Variants in TCERG1L observed in about 807,000 individuals in gnomAD.
TCERG1L encodes the protein transcription elongation regulator 1-like protein.
In TCERG1L, 37 loss-of-function variants were observed where a neutral mutation model predicts 56.3. That is an observed-to-expected ratio of 0.66 (90% CI 0.51 to 0.87). The LOEUF (loss-of-function observed/expected upper bound fraction) is 0.87. Among genes scored for constraint, TCERG1L ranks in the 40% least tolerant of loss-of-function variants. The pLI is 0.00. For missense variants in TCERG1L, 799 were observed against 774.2 expected, an observed-to-expected ratio of 1.03 and a Z score of -0.38; for synonymous variants, 324 against 326.3, an observed-to-expected ratio of 0.99 and a Z score of 0.08.
intron 4 of TCERG1L, among the ~76,000 whole-genome samples, chr10:131,222,872 G>C (rs2918160): frequency 0.26 from 39,766 of 152,050 alleles, 5,487 homozygotes; most frequent in East Asian, 0.44. Flanking sequence ...CTTCCAATTG[G>C]TCAAGGCAGA....
intron 3 of TCERG1L, among the ~76,000 whole-genome samples, chr10:131,286,698 G>T (rs949600654): frequency 5.3e-5 from 8 of 152,188 alleles, no homozygotes. Flanking sequence ...AAATAGAGAG[G>T]TCACATTTGG....
intron 3 of TCERG1L, among the ~76,000 whole-genome samples, chr10:131,305,494 C>T (rs2133586043): frequency 6.6e-6 from 1 of 152,200 alleles, no homozygotes; most frequent in South Asian, 2.1e-4. Flanking sequence ...TCCAACTTAG[C>T]TCAACAAACG....
rs866915890 is a variant in TCERG1L at position 131,146,605 on chromosome 10, G to A, written c.1090C>T (p.Leu364=). Residue 364 remains leucine, a synonymous_variant, in exon 7 of 12, where the codon CTG becomes TTG. Transcript: ENST00000368642. ...RVFFFNPTMH[L]SVWEKPMDLK... is the part of the protein sequence containing the mutation. ...TCCATGGGCTTCTCCCAGACAGACA[G>A]GTGCATCGTTGGGTTGAAGAAGAAA... The A allele has an allele frequency of 6.2e-7, 1 of 1,613,874 alleles. No individual in the cohort carries two copies. Among genetic ancestry groups the A allele is most frequent in the African/African-American group, 1.3e-5 (1 of 75,020 alleles).
At chr10:131,297,253 A>G (rs1355205398) in intron 3 of TCERG1L, among the ~76,000 whole-genome samples, 1 of 152,154 alleles carries the variant, frequency 6.6e-6, no homozygotes, top group Admixed American at 6.5e-5. Flanking sequence ...TGAGTTACAC[A>G]CGGTTTTTTG....
At chr10:131,306,682 TA>T (rs1267833025) in intron 3 of TCERG1L, among the ~76,000 whole-genome samples, 1 of 152,114 alleles carries the variant, frequency 6.6e-6, no homozygotes, top group Non-Finnish European at 1.5e-5. Flanking sequence ...TGTAAAAATT[TA>T]AAAAATAGAT....
chr10:131,203,186 C>T lies in TCERG1L; in HGVS notation c.857-36301G>A, dbSNP rs545223295. Among the ~76,000 whole-genome samples, 7 of 152,288 alleles carry T rather than the reference C, an allele frequency of 4.6e-5. No individual in the cohort carries two copies. The East Asian group carries it at 7.7e-4, about 17-fold the overall frequency. ...GACAGTGTTCATGGATATGCGTATA[C>T]CTGTCTTCAGCCCTCCGAGCTGCGC... On this transcript the variant is annotated intron_variant, in intron 4 of 11. Coordinates refer to ENST00000368642, the MANE Select transcript of TCERG1L (RefSeq NM_174937.4).
intron 6 of TCERG1L, chr10:131,160,717 G>C (rs935841690): frequency 1.3e-5 from 2 of 152,228 alleles, no homozygotes; most frequent in African/African-American, 4.8e-5. Flanking sequence ...GCAACCAACA[G>C]ACTCCCTCAC....
intron 6 of TCERG1L, among the ~76,000 whole-genome samples, chr10:131,153,635 T>G (rs7096287): frequency 0.2 from 31,092 of 152,110 alleles, 3,555 homozygotes; most frequent in South Asian, 0.37. Context: ...GCATTTGTTG[T>G]AAGTGCAGTG....
At chr10:131,163,349 C>T in intron 5 of TCERG1L, 139 bp from the exon 6 acceptor site, 1 of 646,872 alleles carries the variant, frequency 1.5e-6, no homozygotes, top group Non-Finnish European at 2.5e-6. Context: ...CTCAGCACGG[C>T]AGCGCCTGGC....
intron 3 of TCERG1L, among the ~76,000 whole-genome samples, chr10:131,297,766 T>C (rs1333125929): frequency 1.3e-5 from 2 of 152,222 alleles, no homozygotes; most frequent in East Asian, 3.8e-4. Context: ...TACAGAGTTA[T>C]TCATGTTTTC....
intron 4 of TCERG1L, among the ~76,000 whole-genome samples, chr10:131,168,685 G>A: frequency 6.6e-6 from 1 of 152,294 alleles, no homozygotes; most frequent in East Asian, 1.9e-4. Context: ...GCGCCCTGCC[G>A]GGCAGGCTCT....
intron 4 of TCERG1L, among the ~76,000 whole-genome samples, chr10:131,185,531 C>T (rs1000386514): frequency 6.6e-6 from 1 of 152,058 alleles, no homozygotes; most frequent in African/African-American, 2.4e-5. Context: ...GAATTCTTTA[C>T]AACTCAACAA....
intron 4 of TCERG1L, among the ~76,000 whole-genome samples, chr10:131,224,437 CT>C (rs1352356678): frequency 2.0e-5 from 3 of 152,212 alleles, no homozygotes; most frequent in Non-Finnish European, 4.4e-5. Context: ...ACTAAAGTAG[CT>C]TTGTACGCTT....
At chr10:131,200,913 T>C (rs866878107) in intron 4 of TCERG1L, among the ~76,000 whole-genome samples, 5 of 152,146 alleles carry the variant, frequency 3.3e-5, no homozygotes, top group Non-Finnish European at 4.4e-5. Context: ...GAGGCCCTTA[T>C]AAAAGAGGCT....
intron 3 of TCERG1L, among the ~76,000 whole-genome samples, chr10:131,269,180 C>CTATT (rs200069653): frequency 0.095 from 4,098 of 43,184 alleles, 71 homozygotes; most frequent in Non-Finnish European, 0.16. Context: ...GATACAATTT[C>CTATT]TATTTGTTTG....
chr10:131,110,868 G>A lies in TCERG1L; in HGVS notation c.1395+5931C>T, dbSNP rs1054058460. 6.8e-4 allele frequency among the ~76,000 whole-genome samples: 68 copies of A among 100,090 alleles called. 12 individuals are homozygous for A. In the Middle Eastern group the frequency reaches 0.015, roughly 22 times the overall value. The allele number at this position is 100,090 out of a possible 152,430, so 65.7% of individuals were successfully genotyped here. Reference sequence around the variant, plus strand: ...TGTGGGACGCCAAAGTCCTGGAGGTGCCCCATGCGTGTGATGGCTCCCGGA... The same window carrying A: ...TGTGGGACGCCAAAGTCCTGGAGGTACCCCATGCGTGTGATGGCTCCCGGA... On this transcript the variant is annotated intron_variant, in intron 9 of 11. Coordinates refer to ENST00000368642, the MANE Select transcript of TCERG1L (RefSeq NM_174937.4).
intron 3 of TCERG1L, among the ~76,000 whole-genome samples, chr10:131,307,222 A>G (rs1403986799): frequency 6.6e-6 from 1 of 152,234 alleles, no homozygotes; most frequent in Non-Finnish European, 1.5e-5. Flanking sequence ...TCCCTAATGC[A>G]TAATTACAAG....
chr10:131,176,480 G>A (rs201198296), intron 4 of TCERG1L, among the ~76,000 whole-genome samples: 237 of 145,528 alleles, frequency 1.6e-3, no homozygotes, highest in South Asian at 0.01. Context: ...ACACAGACAC[G>A]TGTACACACA....
intron 4 of TCERG1L, among the ~76,000 whole-genome samples, chr10:131,226,103 A>G (rs1173037989): frequency 6.6e-6 from 1 of 152,146 alleles, no homozygotes; most frequent in African/African-American, 2.4e-5. Context: ...ATGGCTGGCT[A>G]ATTTTTAAAT....
Sources: gnomAD v4.1 joint callset for allele counts (sites outside exome capture counted in the v4.1 genomes callset) on GRCh38, gnomAD v4.1.1 for gene constraint, MANE v1.5 for transcripts, NCBI Gene and HGNC (gene_info 2026-07-23, HGNC 2026-07-21) for gene names.